Variants in CLSTN1 observed in about 807,000 individuals in gnomAD.
The protein encoded by CLSTN1 is calsyntenin 1.
A neutral mutation model predicts 108.3 loss-of-function variants in CLSTN1; 28 were observed. The observed-to-expected ratio is 0.26, with a 90% CI of 0.19 to 0.35. The LOEUF is 0.35. Ranked by LOEUF, CLSTN1 falls within the 10% of genes least tolerant of loss-of-function variation. The probability of loss-of-function intolerance (pLI) is 1.00; values close to 1 mark genes in which losing one functional copy is unlikely to be tolerated. For missense variants in CLSTN1, 1,157 were observed against 1,302.6 expected, an observed-to-expected ratio of 0.89 and a Z score of 1.72; for synonymous variants, 524 against 534.9, an observed-to-expected ratio of 0.98 and a Z score of 0.28.
intron 1 of CLSTN1, among the ~76,000 whole-genome samples, chr1:9,794,174 G>A (rs572226433): frequency 3.3e-5 from 5 of 151,538 alleles, no homozygotes; most frequent in Admixed American, 6.7e-5. Flanking sequence ...GGAGGAACAC[G>A]TTTTCAGAAC....
rs776083818 is a variant in CLSTN1 at position 9,756,521 on chromosome 1, A to G, written c.215-11T>C. Reference sequence around the variant, plus strand: ...TCACCTCAAAACTCTCTAAAGGGAGAAAAGATAAGCCCATGTCAGTAATAC... The same window carrying G: ...TCACCTCAAAACTCTCTAAAGGGAGGAAAGATAAGCCCATGTCAGTAATAC... On this transcript the variant is annotated splice_polypyrimidine_tract_variant and intron_variant, in intron 2 of 18. Transcript: ENST00000377298. 3 of 1,611,662 alleles carry G rather than the reference A, an allele frequency of 1.9e-6. No homozygotes were observed. Among genetic ancestry groups the G allele is most frequent in the Non-Finnish European group, 1.7e-6 (2 of 1,178,156 alleles).
intron 1 of CLSTN1, among the ~76,000 whole-genome samples, chr1:9,784,788 CTAGT>C (rs1653405117): frequency 6.6e-6 from 1 of 152,084 alleles, no homozygotes; most frequent in African/African-American, 2.4e-5. Flanking sequence ...TAAAATCCTG[CTAGT>C]TAATTTCCAA....
rs543279640 is a variant in CLSTN1, at chr1:9,735,909, G to A, written c.1710C>T (p.Leu570=). 339 of 1,614,052 alleles carry A rather than the reference G, an allele frequency of 2.1e-4. 1 individual carries two copies. The highest frequency in any genetic ancestry group is 2.5e-4 in the Non-Finnish European group (296 of 1,180,008). ...CCTGCACGCCTCTGCCACTGTCTTC[G>A]AGGACCTGCAGGTCCAGCCCCTCCT... ...TCKEGLDLQV[L]EDSGRGVQIQ... is the part of the protein sequence containing the mutation. The change falls in exon 12 of 19, where the codon CTC becomes CTT. Residue 570 remains leucine (L), a synonymous_variant. Transcript: ENST00000377298.
At chr1:9,779,072 G>A (rs373243040) in intron 1 of CLSTN1, among the ~76,000 whole-genome samples, 113 of 151,878 alleles carry the variant, frequency 7.4e-4, no homozygotes, top group African/African-American at 2.7e-3. Flanking sequence ...GCTATGGTAC[G>A]GCACCTTTCT....
At chr1:9,742,545 T>C (rs1651035862) in intron 9 of CLSTN1, among the ~76,000 whole-genome samples, 1 of 152,248 alleles carries the variant, frequency 6.6e-6, no homozygotes, top group South Asian at 2.1e-4. Context: ...ATGCAGACTA[T>C]GGCTACTATA....
intron 7 of CLSTN1, among the ~76,000 whole-genome samples, chr1:9,748,105 A>C (rs1328006967): frequency 1.3e-5 from 2 of 151,894 alleles, no homozygotes; most frequent in South Asian, 4.1e-4. Context: ...TAGTGAAAAG[A>C]CTCATCAGTT....
rs150016315 is a variant in CLSTN1, at chr1:9,748,411, T to A, written c.985+1050A>T. Among the ~76,000 whole-genome samples the A allele has an allele frequency of 4.2e-3, 639 of 152,360 alleles. 12 individuals carry two copies. In the East Asian group the frequency reaches 0.043, roughly 10 times the overall value. On this transcript the variant is annotated intron_variant, in intron 7 of 18. Coordinates refer to ENST00000377298, the MANE Select transcript of CLSTN1 (RefSeq NM_001009566.3). ...TTGTGATATAGAAAATCTATTGAGATTCTAAGTTAGATGTGGCTATCTTTA... is the reference window on the plus strand; with the variant it reads ...TTGTGATATAGAAAATCTATTGAGAATCTAAGTTAGATGTGGCTATCTTTA...
At chr1:9,755,019 A>G in intron 4 of CLSTN1, 95 bp downstream of exon 4, 1 of 995,868 alleles carries the variant, frequency 1.0e-6, no homozygotes, top group Non-Finnish European at 1.5e-6. Context: ...TTTCAAAAAC[A>G]GTCTTGGGGA....
rs576697745 is a variant in CLSTN1, at chr1:9,741,804, T to C, written c.1357-548A>G. Among the ~76,000 whole-genome samples the C allele has an allele frequency of 5.9e-5, 9 of 152,190 alleles. No homozygotes were observed. The South Asian group carries it at 1.9e-3, about 32-fold the overall frequency. On this transcript the variant is annotated intron_variant, in intron 9 of 18. Transcript: ENST00000377298. ...GTGCACGCCTGTAGTCCCAGCTACT[T>C]GGGAGGCTGAGGCACAAGAATTGCT...
At chr1:9,738,554 C>G (rs1422152248) in intron 10 of CLSTN1, among the ~76,000 whole-genome samples, 1 of 152,186 alleles carries the variant, frequency 6.6e-6, no homozygotes, top group Non-Finnish European at 1.5e-5. Flanking sequence ...ACAGCCCAAG[C>G]TCTCCACGGC....
chr1:9,735,745 G>A (rs765588495), intron 12 of CLSTN1, 130 bp from the exon 13 acceptor site: 17 of 1,496,710 alleles, frequency 1.1e-5, no homozygotes, highest in African/African-American at 4.2e-5. Flanking sequence ...AGAAAAGCTC[G>A]TTTAAGTCCA....
intron 1 of CLSTN1, among the ~76,000 whole-genome samples, chr1:9,796,325 C>G (rs1654000379): frequency 6.7e-6 from 1 of 149,198 alleles, no homozygotes; most frequent in African/African-American, 2.4e-5. Flanking sequence ...TTTGACCTGG[C>G]ATCTCCTAAC....
In CLSTN1 at chr1:9,735,864, C is replaced by T; in HGVS notation, c.1734+21G>A. 3 of 1,613,340 alleles carry T rather than the reference C, an allele frequency of 1.9e-6. No homozygotes were observed. The South Asian group carries it at 3.3e-5, about 18-fold the overall frequency. On this transcript the variant is annotated intron_variant, in intron 12 of 18. Transcript: ENST00000377298. The stretch of plus-strand genomic sequence containing the variant: ...GTCTAAGGGGCCCATGAGTGGTGTG[C>T]AGTCGAGCGCTCGGTGTTACCTGCA...
At chr1:9,809,942 G>A (rs1332111627) in intron 1 of CLSTN1, among the ~76,000 whole-genome samples, 2 of 148,082 alleles carry the variant, frequency 1.4e-5, no homozygotes, top group African/African-American at 2.5e-5. Context: ...GGGAGGCTGA[G>A]GCAGGAGAAT....
intron 1 of CLSTN1, among the ~76,000 whole-genome samples, chr1:9,776,034 G>A (rs901525367): frequency 1.3e-5 from 2 of 150,266 alleles, no homozygotes; most frequent in Non-Finnish European, 3.0e-5. Flanking sequence ...GTGCAATGGC[G>A]CGATCTCAGC....
chr1:9,773,444 T>C (rs768982922), intron 1 of CLSTN1, 50 bp from the exon 2 acceptor site: 4 of 1,518,822 alleles, frequency 2.6e-6, no homozygotes, highest in Non-Finnish European at 3.5e-6. Flanking sequence ...AATATTATTT[T>C]CAACTCCACT....
chr1:9,818,384 G>A (rs1039222331), intron 1 of CLSTN1, among the ~76,000 whole-genome samples: 5 of 150,146 alleles, frequency 3.3e-5, no homozygotes, highest in Non-Finnish European at 7.4e-5. Context: ...GCTGGAGTGC[G>A]GCGGTGTGAT....
At chr1:9,821,137 C>A (rs1461296719) in intron 1 of CLSTN1, among the ~76,000 whole-genome samples, 1 of 152,154 alleles carries the variant, frequency 6.6e-6, no homozygotes, top group East Asian at 1.9e-4. Flanking sequence ...TTTTGGCTTA[C>A]TGAATTTGTT....
rs768442190 is a variant in CLSTN1 at position 9,751,636 on chromosome 1, G to C, written c.486C>G (p.Pro162=). The change falls in exon 5 of 19, where the codon CCC becomes CCG. Residue 162 remains proline, a synonymous_variant. Coordinates refer to ENST00000377298, the MANE Select transcript of CLSTN1 (RefSeq NM_001009566.3). ...IQVNDVNEYA[P]VFKEKSYKAT... is the part of the protein sequence containing the mutation. ...CTTTGTAGGACTTCTCCTTGAACACGGGCGCGTACTCATTCACGTCGTTCA... is the reference window on the plus strand; with the variant it reads ...CTTTGTAGGACTTCTCCTTGAACACCGGCGCGTACTCATTCACGTCGTTCA... The C allele has an allele frequency of 8.7e-6, 14 of 1,613,984 alleles. No homozygotes were observed. The highest frequency in any genetic ancestry group is 1.2e-5 in the Non-Finnish European group (14 of 1,180,038).
Sources: allele counts gnomAD v4.1 joint callset (sites outside exome capture counted in the v4.1 genomes callset), GRCh38; gene constraint gnomAD v4.1.1; transcripts MANE v1.5; gene names NCBI Gene and HGNC (gene_info 2026-07-23, HGNC 2026-07-21).